Variants in AGBL1 observed in about 807,000 individuals in gnomAD.
AGBL1 encodes AGBL carboxypeptidase 1.
Under a neutral mutation model 118.9 loss-of-function variants are expected in AGBL1, and 130 were observed. That is an observed-to-expected ratio of 1.09 (90% confidence interval 0.95 to 1.26). AGBL1 has a LOEUF of 1.26. Ranked by LOEUF, AGBL1 falls within the 50% of genes most tolerant of loss-of-function variation. AGBL1 has a pLI of 0.00. For missense variants in AGBL1, 1,584 were observed against 1,298.1 expected (o/e 1.22, Z -3.38); for synonymous variants, 555 against 478.9 (o/e 1.16, Z -2.08).
rs1439333515 is a variant in AGBL1 at position 86,615,031 on chromosome 15, G to A, written c.2995-59242G>A. ...TGAGAGTTCATGGCAGGGCAATTTG[G>A]ATAAAGTAATTAGGATACCAAAAGG... On this transcript the variant is annotated intron_variant, in intron 21 of 22. Transcript: ENST00000614907. This position sits in a 1 kb window ranked among gnomAD's most constrained non-coding sequence, Gnocchi z 4.3. 6.6e-6 allele frequency among the ~76,000 whole-genome samples: 1 copy of A among 152,158 alleles called. No individual in the cohort carries two copies. The highest frequency in any genetic ancestry group is 6.5e-5 in the Admixed American group (1 of 15,274).
At chr15:86,159,689 G>GCT in intron 5 of AGBL1, among the ~76,000 whole-genome samples, 1 of 151,998 alleles carries the variant, frequency 6.6e-6, no homozygotes, top group Non-Finnish European at 1.5e-5. Context: ...ATCATTTATG[G>GCT]GAGTGACTCA....
intron 21 of AGBL1, among the ~76,000 whole-genome samples, chr15:86,600,113 G>A (rs2084470852): frequency 6.6e-6 from 1 of 152,110 alleles, no homozygotes; most frequent in Non-Finnish European, 1.5e-5. Context: ...ACTGATCTGA[G>A]CATGTATAGA....
chr15:86,550,599 A>G (rs1403014119), intron 20 of AGBL1, among the ~76,000 whole-genome samples: 1 of 152,130 alleles, frequency 6.6e-6, no homozygotes, highest in Non-Finnish European at 1.5e-5. Flanking sequence ...GTATGTGAAT[A>G]TATATACTCT....
intron 22 of AGBL1, among the ~76,000 whole-genome samples, chr15:86,689,784 A>T (rs540130899): frequency 3.2e-4 from 49 of 152,262 alleles, no homozygotes; most frequent in Admixed American, 1.8e-3. Flanking sequence ...ATTGATATTT[A>T]AAAAAATCTT....
chr15:86,540,329 C>G (rs1464989258), intron 19 of AGBL1, among the ~76,000 whole-genome samples: 2 of 152,104 alleles, frequency 1.3e-5, no homozygotes, highest in Non-Finnish European at 2.9e-5. Flanking sequence ...AGCGGTGGCT[C>G]ACACCTGTAA....
chr15:86,151,038 TA>T lies in AGBL1; in HGVS notation c.263-3389del, dbSNP rs571011969. ...TGAAATTGGAAATCATCATTCTCAG[TA>T]AACTATCGCAAGAACAAAAAAACAA... is the stretch of plus-strand genomic sequence containing the variant. On this transcript the variant is annotated intron_variant, in intron 3 of 22. Coordinates refer to ENST00000614907, the MANE Select transcript of AGBL1 (RefSeq NM_001386094.1). Among the ~76,000 whole-genome samples, 1,241 of 151,492 alleles carry T rather than the reference TA, an allele frequency of 8.2e-3. 18 individuals are homozygous for T. Among genetic ancestry groups the T allele is most frequent in the African/African-American group, 0.028 (1,137 of 41,228 alleles).
chr15:86,795,535 C>A (rs537497457), intron 22 of AGBL1, among the ~76,000 whole-genome samples: 1 of 151,692 alleles, frequency 6.6e-6, no homozygotes, highest in Non-Finnish European at 1.5e-5. Context: ...TGCCCTTCCT[C>A]ATCCAGCCCC....
At chr15:86,243,631 G>T (rs1464121495) in intron 6 of AGBL1, among the ~76,000 whole-genome samples, 1 of 152,116 alleles carries the variant, frequency 6.6e-6, no homozygotes, top group Admixed American at 6.5e-5. Flanking sequence ...TTTAGGGTGG[G>T]GTAGAGGAGA....
intron 22 of AGBL1, among the ~76,000 whole-genome samples, chr15:86,676,682 C>T (rs1421202667): frequency 6.6e-6 from 1 of 152,172 alleles, no homozygotes; most frequent in Non-Finnish European, 1.5e-5. Flanking sequence ...TCCTCTCCTC[C>T]TGCCTCTTTC....
At chr15:86,293,281 G>A (rs767247174) in intron 16 of AGBL1, among the ~76,000 whole-genome samples, 16 of 152,178 alleles carry the variant, frequency 1.1e-4, no homozygotes, top group Non-Finnish European at 1.8e-4. Flanking sequence ...TTTTAGGTTA[G>A]AAGTTTGACA....
chr15:86,762,817 T>A (rs997125158), intron 22 of AGBL1, among the ~76,000 whole-genome samples: 4 of 151,996 alleles, frequency 2.6e-5, no homozygotes, highest in Admixed American at 2.6e-4. Flanking sequence ...CTATCCTTGG[T>A]GTTCCTCCTT....
At chr15:86,231,032 G>A (rs908940360) in intron 6 of AGBL1, among the ~76,000 whole-genome samples, 1 of 152,178 alleles carries the variant, frequency 6.6e-6, no homozygotes, top group African/African-American at 2.4e-5. Flanking sequence ...CTGAGACTTC[G>A]AATGTTTCAT....
intron 1 of AGBL1, among the ~76,000 whole-genome samples, chr15:86,115,971 T>G (rs77096589): frequency 6.6e-6 from 1 of 152,312 alleles, no homozygotes; most frequent in East Asian, 1.9e-4. Context: ...ATACATGAGG[T>G]TGGTATTTAA....
chr15:86,352,136 C>T (rs2080637404), intron 17 of AGBL1, among the ~76,000 whole-genome samples: 1 of 152,156 alleles, frequency 6.6e-6, no homozygotes, highest in African/African-American at 2.4e-5. Context: ...ACTGGAGTTC[C>T]TGGTTCTTAA....
intron 3 of AGBL1, among the ~76,000 whole-genome samples, chr15:86,151,712 A>G (rs904782463): frequency 6.6e-6 from 1 of 152,222 alleles, no homozygotes; most frequent in African/African-American, 2.4e-5. Flanking sequence ...AGAGTATTCA[A>G]TTAGGAAAAG....
intron 18 of AGBL1, among the ~76,000 whole-genome samples, chr15:86,443,526 G>T (rs573035524): frequency 1.3e-5 from 2 of 152,148 alleles, no homozygotes; most frequent in East Asian, 3.9e-4. Context: ...ACCCTACAGT[G>T]CTACAGAACA....
chr15:86,660,052 C>A (rs972364616), intron 21 of AGBL1, among the ~76,000 whole-genome samples: 1 of 151,890 alleles, frequency 6.6e-6, no homozygotes, highest in East Asian at 1.9e-4. Context: ...CTTGGCAATT[C>A]TTGGATTGTT....
chr15:86,420,902 A>T (rs776211714), intron 18 of AGBL1, among the ~76,000 whole-genome samples: 1 of 152,220 alleles, frequency 6.6e-6, no homozygotes, highest in Non-Finnish European at 1.5e-5. Flanking sequence ...TGAAGATGTG[A>T]TTAGAGAAAA....
At chr15:86,731,785 T>A (rs1301040787) in intron 22 of AGBL1, among the ~76,000 whole-genome samples, 1 of 152,196 alleles carries the variant, frequency 6.6e-6, no homozygotes, top group Non-Finnish European at 1.5e-5. Flanking sequence ...GAAGTAAAGC[T>A]TGCTTATGTG....
Sources: allele counts gnomAD v4.1 joint callset (sites outside exome capture counted in the v4.1 genomes callset), GRCh38; gene constraint gnomAD v4.1.1; non-coding constraint Gnocchi (gnomAD v3.1); transcripts MANE v1.5; gene names NCBI Gene and HGNC (gene_info 2026-07-23, HGNC 2026-07-21).